The following GALNT17 variants were observed in gnomAD, a reference collection of about 807,000 sequenced individuals.
GALNT17 encodes the protein polypeptide N-acetylgalactosaminyltransferase 17, also known as UDP-GalNAc:polypeptide N-acetylgalactosaminyltransferase-like 3.
GALNT17 carries 29 observed loss-of-function variants against 63.7 expected under a neutral mutation model. The ratio of observed to expected loss-of-function variants is 0.46; its 90% CI spans 0.34 to 0.62. The LOEUF (loss-of-function observed/expected upper bound fraction) is 0.62, where lower values mean the gene tolerates loss of function less well. Ranked by LOEUF, GALNT17 falls within the 20% of genes least tolerant of loss-of-function variation. The pLI is 0.01. For missense variants in GALNT17, 603 were observed against 799.6 expected, an observed-to-expected ratio of 0.75 and a Z score of 2.97; for synonymous variants, 305 against 318.3, an observed-to-expected ratio of 0.96 and a Z score of 0.45.
chr7:71,158,505 C>T (rs1477323881), intron 1 of GALNT17, among the ~76,000 whole-genome samples: 2 of 151,626 alleles, frequency 1.3e-5, no homozygotes, highest in African/African-American at 4.9e-5. Context: ...AGTGATTCTC[C>T]TGTCTCAGCT....
At chr7:71,613,760 C>T (rs1790158775) in intron 6 of GALNT17, among the ~76,000 whole-genome samples, 1 of 150,258 alleles carries the variant, frequency 6.7e-6, no homozygotes, top group Non-Finnish European at 1.5e-5. Context: ...TCGAGACCAG[C>T]TTGGGAAACA....
chr7:71,348,595 C>CACA (rs1792136321), intron 2 of GALNT17, among the ~76,000 whole-genome samples: 1 of 152,170 alleles, frequency 6.6e-6, no homozygotes, highest in South Asian at 2.1e-4. Flanking sequence ...GTCATTGACT[C>CACA]TCAAGTTCAC....
In GALNT17 at chr7:71,355,928, T is replaced by G. The variant is rs1007119912; in HGVS notation, c.422+20195T>G. Among the ~76,000 whole-genome samples the G allele has an allele frequency of 2.0e-4, 30 of 152,300 alleles. 1 individual carries two copies. In the Middle Eastern group the frequency reaches 0.01, roughly 52 times the overall value. ...TTCTATCACATGAGGCATTCTGATTTTCTGTTTTCACTTTCTTCTCGATAT... is the reference window on the plus strand; with the variant it reads ...TTCTATCACATGAGGCATTCTGATTGTCTGTTTTCACTTTCTTCTCGATAT... On this transcript the variant is annotated intron_variant, in intron 2 of 10. Coordinates refer to ENST00000333538, the MANE Select transcript of GALNT17 (RefSeq NM_022479.3).
chr7:71,627,399 A>G (rs889828005), intron 6 of GALNT17, among the ~76,000 whole-genome samples: 1 of 152,216 alleles, frequency 6.6e-6, no homozygotes, highest in African/African-American at 2.4e-5. Context: ...AGCCTGGGCA[A>G]CAGAGACAGA....
chr7:71,425,996 A>G (rs1030218567), intron 5 of GALNT17, among the ~76,000 whole-genome samples: 1 of 152,154 alleles, frequency 6.6e-6, no homozygotes, highest in Admixed American at 6.5e-5. Flanking sequence ...GAGAAGGAGA[A>G]GGTGCCACAC....
chr7:71,681,722 A>G (rs940128883), intron 9 of GALNT17, among the ~76,000 whole-genome samples: 1 of 152,230 alleles, frequency 6.6e-6, no homozygotes, highest in African/African-American at 2.4e-5. Context: ...TGGCGCACTT[A>G]TTAACGGTGA....
intron 5 of GALNT17, among the ~76,000 whole-genome samples, chr7:71,478,678 C>T (rs1787764066): frequency 6.6e-6 from 1 of 152,082 alleles, no homozygotes; most frequent in Non-Finnish European, 1.5e-5. Context: ...GTAGCTAGAC[C>T]ATGTCCTGGG....
rs1789395748 is a variant in GALNT17, at chr7:71,569,124, A to G, written c.963-2161A>G. On this transcript the variant is annotated intron_variant, in intron 5 of 10. Coordinates refer to ENST00000333538, the MANE Select transcript of GALNT17 (RefSeq NM_022479.3). ...GTAGCTGAGACTAAAGGCACGCACT[A>G]CAATGCCTGGCTAATTTTTTTATCT... is the stretch of plus-strand genomic sequence containing the variant. 2.0e-5 allele frequency among the ~76,000 whole-genome samples: 3 copies of G among 152,126 alleles called. No homozygotes were observed. In the South Asian group the frequency reaches 6.2e-4, roughly 32 times the overall value.
At chr7:71,330,585 T>G (rs1791791406) in intron 1 of GALNT17, among the ~76,000 whole-genome samples, 1 of 151,698 alleles carries the variant, frequency 6.6e-6, no homozygotes, top group Admixed American at 6.6e-5. Context: ...TTTGTAGAGA[T>G]GGTGTGGGGT....
At chr7:71,423,091 TG>T (rs1786696037) in intron 5 of GALNT17, among the ~76,000 whole-genome samples, 1 of 152,192 alleles carries the variant, frequency 6.6e-6, no homozygotes, top group African/African-American at 2.4e-5. Context: ...CTTGTGTCTG[TG>T]CCCACTGTGG....
intron 1 of GALNT17, among the ~76,000 whole-genome samples, chr7:71,199,668 TCCAC>T (rs1562907956): frequency 1.4e-5 from 1 of 71,076 alleles, no homozygotes; most frequent in African/African-American, 5.0e-5. Flanking sequence ...TGTCCATCCT[TCCAC>T]CCATCCATCC....
chr7:71,582,445 G>A (rs10248679), intron 6 of GALNT17, among the ~76,000 whole-genome samples: 16,789 of 151,500 alleles, frequency 0.11, 1,634 homozygotes, highest in African/African-American at 0.27. Context: ...AGCTGGGCAT[G>A]GTGACATGCG....
At chr7:71,466,150 G>A (rs4719123) in intron 5 of GALNT17, among the ~76,000 whole-genome samples, 80,243 of 151,966 alleles carry the variant, frequency 0.53, 23,235 homozygotes, top group Non-Finnish European at 0.66. Flanking sequence ...TCAAAGTCAC[G>A]TACTTTGGGG....
Position 71,138,794 on chromosome 7 carries a change from C to A in GALNT17, c.238+5754C>A, listed in dbSNP as rs144188757. ...TTCCAGACCAGTCTGGCCAACATGG[C>A]GAAACCCTGTCTCTACAAAAAAATA... On this transcript the variant is annotated intron_variant, in intron 1 of 10. Coordinates refer to ENST00000333538, the MANE Select transcript of GALNT17 (RefSeq NM_022479.3). 5.8e-3 allele frequency among the ~76,000 whole-genome samples: 884 copies of A among 151,998 alleles called. 14 individuals are homozygous for A. Among genetic ancestry groups the A allele is most frequent in the African/African-American group, 0.021 (854 of 41,480 alleles).
chr7:71,556,039 G>A (rs1789158316), intron 5 of GALNT17, among the ~76,000 whole-genome samples: 1 of 152,188 alleles, frequency 6.6e-6, no homozygotes, highest in South Asian at 2.1e-4. Flanking sequence ...ACTGCCTCTG[G>A]ATGAGATGGC....
intron 6 of GALNT17, among the ~76,000 whole-genome samples, chr7:71,617,808 A>G (rs1790236834): frequency 6.6e-6 from 1 of 151,714 alleles, no homozygotes; most frequent in African/African-American, 2.4e-5. Context: ...ATGTCTGGCT[A>G]ATTTTTTTTT....
At chr7:71,188,529 CT>C (rs1788894420) in intron 1 of GALNT17, among the ~76,000 whole-genome samples, 1 of 152,136 alleles carries the variant, frequency 6.6e-6, no homozygotes, top group Admixed American at 6.6e-5. Flanking sequence ...TGTATATCTT[CT>C]TTTGAGAATT....
At chr7:71,309,576 C>T (rs1304556483) in intron 1 of GALNT17, among the ~76,000 whole-genome samples, 3 of 152,072 alleles carry the variant, frequency 2.0e-5, no homozygotes, top group Non-Finnish European at 4.4e-5. Flanking sequence ...CCAAGCTATC[C>T]TTTTATTTAC....
intron 9 of GALNT17, among the ~76,000 whole-genome samples, chr7:71,699,679 A>T (rs1791601442): frequency 6.6e-6 from 1 of 152,156 alleles, no homozygotes; most frequent in African/African-American, 2.4e-5. Flanking sequence ...CATGCCTGTA[A>T]TCCCAACACT....
Sources: allele counts gnomAD v4.1 joint callset (sites outside exome capture counted in the v4.1 genomes callset), GRCh38; gene constraint gnomAD v4.1.1; transcripts MANE v1.5; gene names NCBI Gene and HGNC (gene_info 2026-07-23, HGNC 2026-07-21).